THNSL1: variants seen among roughly 807,000 people sequenced by gnomAD.
THNSL1 encodes threonine synthase like 1.
In THNSL1, 48 loss-of-function variants were observed where a neutral mutation model predicts 50.4. The ratio of observed to expected loss-of-function variants is 0.95; its 90% CI spans 0.76 to 1.21. THNSL1 has a LOEUF of 1.21. THNSL1 is among the 50% of genes most tolerant of loss of function. THNSL1 has a pLI of 0.00. For missense variants in THNSL1, 896 were observed against 871.7 expected (o/e 1.03, Z -0.35); for synonymous variants, 309 against 306.1 (o/e 1.01, Z -0.10).
the THNSL1 span, among the ~76,000 whole-genome samples, chr10:24,996,449 T>TGC: frequency 6.7e-6 from 1 of 148,628 alleles, no homozygotes; most frequent in African/African-American, 2.6e-5. Context: ...TGTGTGTGTG[T>TGC]GTGTGTGTAT....
At chr10:24,961,105 A>G in the THNSL1 span, among the ~76,000 whole-genome samples, 4 of 152,240 alleles carry the variant, frequency 2.6e-5, no homozygotes, top group African/African-American at 9.7e-5. Flanking sequence ...ATAGAAAAAC[A>G]GAAGTAAAAT....
chr10:25,011,273 C>A, the THNSL1 span, among the ~76,000 whole-genome samples: 2 of 152,118 alleles, frequency 1.3e-5, no homozygotes, highest in African/African-American at 4.8e-5. Flanking sequence ...ATGTCCTTTG[C>A]CCACTTTTTG....
At chr10:24,956,262 C>T in the THNSL1 span, among the ~76,000 whole-genome samples, 1 of 151,942 alleles carries the variant, frequency 6.6e-6, no homozygotes, top group East Asian at 1.9e-4. Context: ...GCACCTGATA[C>T]ATAGTTTTTT....
chr10:24,988,360 ATATATATT>A, the THNSL1 span, among the ~76,000 whole-genome samples: 1,183 of 145,252 alleles, frequency 8.1e-3, 14 homozygotes, highest in African/African-American at 0.027. Flanking sequence ...ATATATGTGT[ATATATATT>A]TATATATGTA....
At chr10:24,973,128 A>G in the THNSL1 span, among the ~76,000 whole-genome samples, 1 of 152,158 alleles carries the variant, frequency 6.6e-6, no homozygotes, top group African/African-American at 2.4e-5. Flanking sequence ...TTCTTTCCTT[A>G]TTAAGTCCAT....
intron 2 of THNSL1, 104 bp from the exon 3 acceptor site, chr10:25,023,072 C>A: frequency 1.4e-6 from 1 of 721,824 alleles, no homozygotes; most frequent in Non-Finnish European, 2.2e-6. Flanking sequence ...GTTTATGTAC[C>A]ATGGGCATGG....
the THNSL1 span, among the ~76,000 whole-genome samples, chr10:25,000,371 C>A: frequency 1.3e-5 from 2 of 152,048 alleles, no homozygotes; most frequent in Non-Finnish European, 2.9e-5. Context: ...CTGTATCCTT[C>A]CTGATTTTGT....
chr10:24,988,492 A>G, the THNSL1 span, among the ~76,000 whole-genome samples: 1 of 146,686 alleles, frequency 6.8e-6, no homozygotes, highest in East Asian at 2.0e-4. Flanking sequence ...ACGTATAAAT[A>G]GAGAATTTTG....
At chr10:24,954,921 G>A in the THNSL1 span, among the ~76,000 whole-genome samples, 1 of 152,246 alleles carries the variant, frequency 6.6e-6, no homozygotes, top group South Asian at 2.1e-4. Flanking sequence ...AGGATTTAGA[G>A]GCAAAAATTC....
At chr10:24,990,963 C>T in the THNSL1 span, among the ~76,000 whole-genome samples, 16 of 152,096 alleles carry the variant, frequency 1.1e-4, no homozygotes, top group East Asian at 1.9e-4. Flanking sequence ...AGCCAGGCAT[C>T]GTGGCATGTG....
chr10:25,025,709 G>A lies in THNSL1; in HGVS notation c.*254G>A, dbSNP rs1204916784. The A allele has an allele frequency of 7.5e-6, 3 of 400,278 alleles. No individual in the cohort carries two copies. The highest frequency in any genetic ancestry group is 4.2e-5 in the Admixed American group (1 of 23,928). 24.8% of individuals were successfully genotyped at this position (400,278 alleles called of 1,614,324 possible). On this transcript the variant is annotated 3_prime_UTR_variant, in exon 3 of 3. Coordinates refer to ENST00000376356, the MANE Select transcript of THNSL1 (RefSeq NM_024838.5). ...ATACTTTTGCCTTCTGCTCATGAGG[G>A]GTGTATCAATTTCCACTCCCACACC... is the stretch of plus-strand genomic sequence containing the variant.
chr10:24,958,748 A>G, the THNSL1 span, among the ~76,000 whole-genome samples: 1 of 152,206 alleles, frequency 6.6e-6, no homozygotes, highest in Non-Finnish European at 1.5e-5. Context: ...CAGAGGGTAG[A>G]TCTAAGTTTG....
chr10:24,980,799 C>A, the THNSL1 span, among the ~76,000 whole-genome samples: 1 of 151,968 alleles, frequency 6.6e-6, no homozygotes, highest in Non-Finnish European at 1.5e-5. Flanking sequence ...TCACTGCAAC[C>A]TTTGCCTCCC....
chr10:25,015,742 T>C, upstream of THNSL1: 3 of 952,772 alleles, frequency 3.1e-6, no homozygotes, highest in Non-Finnish European at 1.4e-6. Context: ...CCAAGGCTAC[T>C]TCATCGAGGC....
upstream of THNSL1, among the ~76,000 whole-genome samples, chr10:25,015,682 G>A (rs1445219587): frequency 6.6e-6 from 1 of 152,166 alleles, no homozygotes; most frequent in Non-Finnish European, 1.5e-5. Context: ...GTAAAACTGT[G>A]AGATGCTGAA....
the THNSL1 span, among the ~76,000 whole-genome samples, chr10:24,992,832 TG>T: frequency 2.7e-3 from 408 of 152,298 alleles, 1 homozygote; most frequent in South Asian, 7.9e-3. Flanking sequence ...AAATAGACTC[TG>T]GGAGGCCAGT....
the THNSL1 span, chr10:24,995,635 C>T: frequency 1.2e-6 from 2 of 1,602,190 alleles, no homozygotes; most frequent in South Asian, 1.1e-5. Flanking sequence ...ATTAATATAC[C>T]ACAAGGCTAC....
In THNSL1 at chr10:25,025,232, A is replaced by T. The variant is rs769467362; in HGVS notation, c.2009A>T (p.Lys670Met). Residue 670 changes from lysine (K) to methionine (M), a missense_variant, in exon 3 of 3, where the codon AAG (lysine) becomes ATG (methionine). Coordinates refer to ENST00000376356, the MANE Select transcript of THNSL1 (RefSeq NM_024838.5). ...ATCTCATCTACAGCCCATTACTCAA[A>T]GTTTGCACCTGCTATCATGCAGGCT... ...VIISSTAHYS[K>M]FAPAIMQALK... 1 of 1,614,208 alleles carries T rather than the reference A, an allele frequency of 6.2e-7. No individual in the cohort carries two copies.
upstream of THNSL1, among the ~76,000 whole-genome samples, chr10:25,015,352 C>A (rs1016193880): frequency 1.1e-4 from 16 of 152,206 alleles, no homozygotes; most frequent in Middle Eastern, 3.4e-3. Context: ...GTAGATATTT[C>A]GTTTCACTGA....
Sources: gnomAD v4.1 joint callset for allele counts (sites outside exome capture counted in the v4.1 genomes callset) on GRCh38, gnomAD v4.1.1 for gene constraint, MANE v1.5 for transcripts, NCBI Gene and HGNC (gene_info 2026-07-23, HGNC 2026-07-21) for gene names.